Variants in GRIK3 observed in about 807,000 individuals in gnomAD.
The protein encoded by GRIK3 is glutamate receptor ionotropic, kainate 3.
Under a neutral mutation model 102.5 loss-of-function variants are expected in GRIK3, and 29 were observed. That is an observed-to-expected ratio of 0.28 (90% CI 0.21 to 0.39). The LOEUF (loss-of-function observed/expected upper bound fraction) is 0.39. Ranked by LOEUF, GRIK3 falls within the 10% of genes least tolerant of loss-of-function variation. The probability of loss-of-function intolerance (pLI) is 1.00; values close to 1 mark genes in which losing one functional copy is unlikely to be tolerated. For synonymous variants in GRIK3, 511 were observed against 504.9 expected (o/e 1.01, Z -0.16); for missense variants, 908 against 1,252.4 (o/e 0.73, Z 4.15).
intron 1 of GRIK3, among the ~76,000 whole-genome samples, chr1:36,924,452 AGTT>A (rs749183757): frequency 6.6e-6 from 1 of 152,074 alleles, no homozygotes; most frequent in Admixed American, 6.5e-5. Context: ...AGCTAAGAGA[AGTT>A]GTTTTTCTCC....
At chr1:36,915,499 T>C (rs572079853) in intron 1 of GRIK3, among the ~76,000 whole-genome samples, 7 of 152,286 alleles carry the variant, frequency 4.6e-5, no homozygotes, top group African/African-American at 1.7e-4. Flanking sequence ...AAGTGGAAAG[T>C]GGTTTTTAAC....
intron 1 of GRIK3, among the ~76,000 whole-genome samples, chr1:36,954,154 T>A (rs1641877039): frequency 6.6e-6 from 1 of 152,172 alleles, no homozygotes; most frequent in Non-Finnish European, 1.5e-5. Flanking sequence ...AAGACAAGAA[T>A]GCTTCTCAGG....
At chr1:37,023,577 A>T (rs1372488859) in intron 1 of GRIK3, among the ~76,000 whole-genome samples, 1 of 152,200 alleles carries the variant, frequency 6.6e-6, no homozygotes, top group Non-Finnish European at 1.5e-5. Context: ...AGTGGATCCA[A>T]GACCATTTGA....
intron 1 of GRIK3, among the ~76,000 whole-genome samples, chr1:36,980,470 G>T: frequency 6.6e-6 from 1 of 151,576 alleles, no homozygotes; most frequent in East Asian, 2.0e-4. Context: ...GGTGCCACTT[G>T]CCTCCTTGGC....
At chr1:36,898,999 A>T (rs1641203698) in intron 1 of GRIK3, among the ~76,000 whole-genome samples, 1 of 152,166 alleles carries the variant, frequency 6.6e-6, no homozygotes, top group Non-Finnish European at 1.5e-5. Context: ...ATGAATTTGG[A>T]TCCTTACTTA....
chr1:36,978,313 A>G (rs774167647), intron 1 of GRIK3, among the ~76,000 whole-genome samples: 17 of 152,230 alleles, frequency 1.1e-4, no homozygotes, highest in Non-Finnish European at 2.2e-4. Flanking sequence ...AGCATCTATC[A>G]ATATACTGAG....
chr1:36,830,933 G>A (rs891819942), intron 10 of GRIK3, among the ~76,000 whole-genome samples: 1 of 151,938 alleles, frequency 6.6e-6, no homozygotes, highest in African/African-American at 2.4e-5. Flanking sequence ...AGGGACTGCC[G>A]GCCACACCAG....
intron 1 of GRIK3, among the ~76,000 whole-genome samples, chr1:36,938,299 G>A (rs11582879): frequency 0.02 from 3,028 of 152,306 alleles, 44 homozygotes; most frequent in Non-Finnish European, 0.032. Flanking sequence ...GGTAGGACCC[G>A]TTCCAGGTCA....
chr1:36,897,734 G>C (rs920889340), intron 1 of GRIK3, among the ~76,000 whole-genome samples: 1 of 152,156 alleles, frequency 6.6e-6, no homozygotes, highest in South Asian at 2.1e-4. Context: ...ACAGTTTGGA[G>C]GTTCCTCAAA....
At chr1:36,902,175 C>G (rs903620920) in intron 1 of GRIK3, among the ~76,000 whole-genome samples, 2 of 152,184 alleles carry the variant, frequency 1.3e-5, no homozygotes, top group Non-Finnish European at 2.9e-5. Context: ...TTTATAGATA[C>G]AGTGCAATCC....
At chr1:37,025,844 C>T (rs1642760163) in intron 1 of GRIK3, among the ~76,000 whole-genome samples, 1 of 152,212 alleles carries the variant, frequency 6.6e-6, no homozygotes, top group South Asian at 2.1e-4. Flanking sequence ...CCCTGCTCTG[C>T]TATCCTTAAC....
intron 7 of GRIK3, 58 bp from the exon 8 acceptor site, chr1:36,853,780 A>G (rs1290068141): frequency 1.1e-6 from 1 of 902,378 alleles, no homozygotes. Context: ...ATCATTCGGT[A>G]CAACTGTACA....
chr1:36,914,491 C>G (rs1458890459), intron 1 of GRIK3, among the ~76,000 whole-genome samples: 2 of 152,084 alleles, frequency 1.3e-5, no homozygotes, highest in Non-Finnish European at 2.9e-5. Context: ...ACCGGGGAAA[C>G]CTTTTCTGGC....
chr1:36,933,276 C>G (rs1170530943), intron 1 of GRIK3, among the ~76,000 whole-genome samples: 1 of 152,134 alleles, frequency 6.6e-6, no homozygotes, highest in Non-Finnish European at 1.5e-5. Flanking sequence ...TCACTTTGCT[C>G]AAGGTGTCAA....
chr1:36,805,055 C>A lies in GRIK3; in HGVS notation c.2497G>T (p.Val833Phe). The change falls in exon 15 of 16, where the codon GTC (valine) becomes TTC (phenylalanine). Residue 833 changes from valine (V) to phenylalanine (F), a missense_variant. By Grantham distance (50) the Val-to-Phe change is conservative (BLOSUM62 -1). This residue lies in a region of GRIK3 where 297 missense variants were observed against 362.7 expected (regional missense o/e 0.82). Transcript: ENST00000373091. ...GIFIVLAAGLVLSVLVAVGEF... is the reference protein window; with the variant it reads ...GIFIVLAAGLFLSVLVAVGEF... ...CCCACGGCCACCAGCACAGAGAGGA[C>A]CAGCCCGGCGGCCAGGACAATGAAG... 4 of 1,614,232 alleles carry A rather than the reference C, an allele frequency of 2.5e-6. No individual in the cohort carries two copies. The highest frequency in any genetic ancestry group is 3.4e-6 in the Non-Finnish European group (4 of 1,180,034).
At chr1:37,025,804 C>T (rs1306466259) in intron 1 of GRIK3, among the ~76,000 whole-genome samples, 2 of 152,214 alleles carry the variant, frequency 1.3e-5, no homozygotes, top group Admixed American at 1.3e-4. Flanking sequence ...TTAATACAAA[C>T]CAGAATCTTA....
At chr1:36,894,958 T>G (rs1641157121) in intron 1 of GRIK3, among the ~76,000 whole-genome samples, 1 of 152,208 alleles carries the variant, frequency 6.6e-6, no homozygotes. Context: ...TGCTGGGGTT[T>G]CATGAGAGAC....
At chr1:36,853,405 A>G (rs922616970) in intron 8 of GRIK3, among the ~76,000 whole-genome samples, 2 of 152,076 alleles carry the variant, frequency 1.3e-5, no homozygotes, top group Admixed American at 1.3e-4. Flanking sequence ...CAGCCAGGCC[A>G]CTGGCTTCTG....
chr1:36,801,660 G>C lies in GRIK3; in HGVS notation c.*191C>G. 1 of 491,290 alleles carries C rather than the reference G, an allele frequency of 2.0e-6. No homozygotes were observed. The highest frequency in any genetic ancestry group is 3.5e-6 in the Non-Finnish European group (1 of 281,844). 30.4% of individuals were successfully genotyped at this position (491,290 alleles called of 1,614,324 possible). ...TAGAAACCCACAGAAGATCTGAGGA[G>C]GATGAAGCCCAAGCAGCTGGCCTGA... On this transcript the variant is annotated 3_prime_UTR_variant, in exon 16 of 16. Transcript: ENST00000373091.
Sources: gnomAD v4.1 joint callset for allele counts (sites outside exome capture counted in the v4.1 genomes callset) on GRCh38, gnomAD v4.1.1 for gene constraint, gnomAD v4.1.1 regional missense constraint, MANE v1.5 for transcripts, NCBI Gene and HGNC (gene_info 2026-07-23, HGNC 2026-07-21) for gene names.